Variants in SLC9A4 observed in about 807,000 individuals in gnomAD.
SLC9A4 encodes the protein solute carrier family 9 member A4, also known as sodium/hydrogen exchanger 4.
A neutral mutation model predicts 67.4 loss-of-function variants in SLC9A4; 63 were observed. The observed-to-expected ratio is 0.93, with a 90% confidence interval of 0.76 to 1.15. SLC9A4 has a LOEUF of 1.15. Among genes scored for constraint, SLC9A4 ranks in the 50% most tolerant of loss-of-function variants. The pLI is 0.00. For missense variants in SLC9A4, 1,089 were observed against 987.7 expected (o/e 1.10, Z -1.38); for synonymous variants, 393 against 367.2 (o/e 1.07, Z -0.80).
rs751446252 is a variant in SLC9A4 at position 102,478,905 on chromosome 2, C to T, written c.323C>T (p.Ala108Val). ...PESCLLILVG[A>V]LVGGIIFGTD... is the part of the protein sequence containing the mutation. ...AGCTGCCTCCTCATCCTGGTGGGGGCGCTGGTGGGCGGCATCATCTTCGGC... is the reference window on the plus strand; with the variant it reads ...AGCTGCCTCCTCATCCTGGTGGGGGTGCTGGTGGGCGGCATCATCTTCGGC... The change falls in exon 2 of 12, where the codon GCG becomes GTG. Residue 108 changes from alanine to valine, a missense_variant. Ala to Val is a moderately conservative substitution (Grantham distance 64). Transcript: ENST00000295269. 2.5e-6 allele frequency: 4 copies of T among 1,614,104 alleles called. No individual in the cohort carries two copies. Among genetic ancestry groups the T allele is most frequent in the Admixed American group, 1.7e-5 (1 of 60,024 alleles).
intron 6 of SLC9A4, among the ~76,000 whole-genome samples, chr2:102,509,802 A>T (rs922012409): frequency 1.3e-5 from 2 of 152,198 alleles, no homozygotes; most frequent in African/African-American, 2.4e-5. Context: ...ATATGGTAGG[A>T]CACTCATTGA....
intron 6 of SLC9A4, 103 bp from the exon 7 acceptor site, chr2:102,512,100 G>A (rs539015515): frequency 2.4e-6 from 3 of 1,244,522 alleles, no homozygotes; most frequent in Admixed American, 4.0e-5. Context: ...ATAGGCTCCA[G>A]AAAATTAAAG....
chr2:102,482,102 C>T (rs1478326630), intron 2 of SLC9A4, among the ~76,000 whole-genome samples: 1 of 152,216 alleles, frequency 6.6e-6, no homozygotes, highest in Admixed American at 6.5e-5. Flanking sequence ...CCCTTGCGGG[C>T]AAGCTTCACA....
intron 9 of SLC9A4, among the ~76,000 whole-genome samples, chr2:102,520,371 T>C (rs546681392): frequency 6.6e-6 from 1 of 152,172 alleles, no homozygotes; most frequent in Non-Finnish European, 1.5e-5. Flanking sequence ...GGTTACAATA[T>C]TGAAACTCTA....
At chr2:102,504,995 T>G (rs776514816) in intron 3 of SLC9A4, among the ~76,000 whole-genome samples, 1 of 152,240 alleles carries the variant, frequency 6.6e-6, no homozygotes, top group African/African-American at 2.4e-5. Context: ...GGTGTGCCCA[T>G]GCGAATTACG....
chr2:102,532,411 C>A lies in SLC9A4; in HGVS notation c.2120C>A (p.Ala707Glu), dbSNP rs201180258. The A allele has an allele frequency of 1.9e-6, 3 of 1,614,180 alleles. No individual in the cohort carries two copies. The East Asian group carries it at 6.7e-5, about 36-fold the overall frequency. ...ATAGGGTCACTTCAGAAGCAAGAGGCACAAGAAATAATACCAATGAAGAGC... is the reference window on the plus strand; with the variant it reads ...ATAGGGTCACTTCAGAAGCAAGAGGAACAAGAAATAATACCAATGAAGAGC... Reference protein sequence around the residue: ...SRIGSLQKQEAQEIIPMKSLH... With the variant: ...SRIGSLQKQEEQEIIPMKSLH... The change falls in exon 12 of 12, where the codon GCA becomes GAA. Residue 707 changes from alanine to glutamate, a missense_variant. Physicochemically the swap from Ala to Glu is moderately radical, Grantham distance 107. Transcript: ENST00000295269.
At chr2:102,512,318 T>TC in intron 7 of SLC9A4, 45 bp downstream of exon 7, 3 of 1,591,556 alleles carry the variant, frequency 1.9e-6, no homozygotes, top group Non-Finnish European at 2.6e-6. Context: ...TTCTAAAGGT[T>TC]CCATTGGAAG....
At chr2:102,523,072 G>A (rs1462472430) in intron 9 of SLC9A4, among the ~76,000 whole-genome samples, 10 of 151,898 alleles carry the variant, frequency 6.6e-5, no homozygotes, top group Admixed American at 2.0e-4. Context: ...AGACTCAAGC[G>A]ACTCTCCCAC....
At chr2:102,493,158 A>C (rs973547579) in intron 2 of SLC9A4, among the ~76,000 whole-genome samples, 1 of 152,102 alleles carries the variant, frequency 6.6e-6, no homozygotes, top group African/African-American at 2.4e-5. Flanking sequence ...GAGCCTTCCA[A>C]GTCTCTTGGA....
chr2:102,480,856 G>A (rs535634221), intron 2 of SLC9A4, among the ~76,000 whole-genome samples: 115 of 152,326 alleles, frequency 7.5e-4, no homozygotes, highest in African/African-American at 2.5e-3. Flanking sequence ...GCCAAGGGGA[G>A]GAGGATGCCA....
intron 6 of SLC9A4, among the ~76,000 whole-genome samples, chr2:102,509,866 A>T (rs367858155): frequency 8.5e-5 from 13 of 152,198 alleles, no homozygotes; most frequent in African/African-American, 2.2e-4. Context: ...TGGAAGAAAA[A>T]AAGGAGTCAT....
intron 2 of SLC9A4, 81 bp downstream of exon 2, chr2:102,479,383 G>A: frequency 7.1e-7 from 1 of 1,411,386 alleles, no homozygotes; most frequent in Non-Finnish European, 9.5e-7. Context: ...TGTGGAGACG[G>A]CTCCAGTGTG....
chr2:102,507,700 A>G (rs1247137664), intron 4 of SLC9A4, among the ~76,000 whole-genome samples: 5 of 152,126 alleles, frequency 3.3e-5, no homozygotes, highest in Non-Finnish European at 7.4e-5. Flanking sequence ...GAATGCATTT[A>G]TCCCCCCACC....
chr2:102,496,702 T>C (rs1346867172), intron 2 of SLC9A4, among the ~76,000 whole-genome samples: 1 of 151,908 alleles, frequency 6.6e-6, no homozygotes, highest in Admixed American at 6.6e-5. Context: ...GCAGAATTTA[T>C]GGGCAAAGTT....
At chr2:102,495,248 A>G (rs1359284306) in intron 2 of SLC9A4, among the ~76,000 whole-genome samples, 1 of 152,118 alleles carries the variant, frequency 6.6e-6, no homozygotes, top group Non-Finnish European at 1.5e-5. Context: ...AGAAAATAAC[A>G]TTTTAGATAT....
chr2:102,518,669 A>T (rs970341137), intron 8 of SLC9A4, among the ~76,000 whole-genome samples: 4 of 152,214 alleles, frequency 2.6e-5, no homozygotes, highest in African/African-American at 9.6e-5. Context: ...TCAAATGTAC[A>T]TTACTTTTAA....
At chr2:102,525,476 G>C (rs193074556) in intron 10 of SLC9A4, among the ~76,000 whole-genome samples, 2 of 151,130 alleles carry the variant, frequency 1.3e-5, no homozygotes, top group Admixed American at 6.6e-5. Flanking sequence ...CAGTCCTCAT[G>C]GTCAGTACCT....
chr2:102,515,057 CAA>C (rs1195412914), intron 8 of SLC9A4, among the ~76,000 whole-genome samples: 2 of 152,052 alleles, frequency 1.3e-5, no homozygotes, highest in Non-Finnish European at 2.9e-5. Flanking sequence ...ATTAATTTCC[CAA>C]AGATGCCCAG....
chr2:102,531,672 T>G lies in SLC9A4; in HGVS notation c.2039-658T>G, dbSNP rs796794524. Among the ~76,000 whole-genome samples the G allele has an allele frequency of 2.6e-5, 4 of 152,330 alleles. No homozygotes were observed. The South Asian group carries it at 8.3e-4, about 32-fold the overall frequency. On this transcript the variant is annotated intron_variant, in intron 11 of 11. Coordinates refer to ENST00000295269, the MANE Select transcript of SLC9A4 (RefSeq NM_001011552.4). The stretch of plus-strand genomic sequence containing the variant: ...CACCCGAAAGGGCCGCTATGAGGAT[T>G]CAATGGCATGATATATTTAAAAGGA...
Sources: gnomAD v4.1 joint callset for allele counts (sites outside exome capture counted in the v4.1 genomes callset) on GRCh38, gnomAD v4.1.1 for gene constraint, MANE v1.5 for transcripts, NCBI Gene and HGNC (gene_info 2026-07-23, HGNC 2026-07-21) for gene names.